JAKMIP2: variants seen among roughly 807,000 people sequenced by gnomAD.
The protein encoded by JAKMIP2 is janus kinase and microtubule-interacting protein 2.
Under a neutral mutation model 115.0 loss-of-function variants are expected in JAKMIP2, and 25 were observed. That is an observed-to-expected ratio of 0.22 (90% CI 0.16 to 0.30). The LOEUF (loss-of-function observed/expected upper bound fraction) is 0.30. Ranked by LOEUF, JAKMIP2 falls within the 10% of genes least tolerant of loss-of-function variation. The pLI, the probability that JAKMIP2 is intolerant of heterozygous loss-of-function variation, is 1.00. For missense variants in JAKMIP2, 642 were observed against 957.6 expected (o/e 0.67, Z 4.35); for synonymous variants, 334 against 343.6 (o/e 0.97, Z 0.31).
chr5:147,604,330 G>A (rs1458729635), intron 20 of JAKMIP2, among the ~76,000 whole-genome samples: 1 of 152,148 alleles, frequency 6.6e-6, no homozygotes, highest in Non-Finnish European at 1.5e-5. Context: ...CACATTTTTA[G>A]TGTTTCCTTT....
intron 1 of JAKMIP2, among the ~76,000 whole-genome samples, chr5:147,755,416 C>T (rs1193831339): frequency 6.6e-6 from 1 of 152,180 alleles, no homozygotes; most frequent in Non-Finnish European, 1.5e-5. Flanking sequence ...ATCAGGACCT[C>T]CTGAGGCTGT....
intron 8 of JAKMIP2, 26 bp downstream of exon 8, chr5:147,641,682 G>A (rs763394913): frequency 5.2e-6 from 8 of 1,550,966 alleles, no homozygotes; most frequent in Non-Finnish European, 7.1e-6. Flanking sequence ...TGTGGCAAAT[G>A]CCTGATAACT....
In JAKMIP2 at chr5:147,673,522, G is replaced by C. The variant is rs187952894; in HGVS notation, c.-148-1568C>G. ...CTTTGGAGTGTGTCCCTGGGGGAAGGGGGCAGGGAGAGGTTAGGAGACAGG... is the reference window on the plus strand; with the variant it reads ...CTTTGGAGTGTGTCCCTGGGGGAAGCGGGCAGGGAGAGGTTAGGAGACAGG... On this transcript the variant is annotated intron_variant, in intron 1 of 21. Transcript: ENST00000616793. Among the ~76,000 whole-genome samples the C allele has an allele frequency of 3.3e-5, 5 of 152,262 alleles. No homozygotes were observed. The East Asian group carries it at 7.7e-4, about 24-fold the overall frequency.
At chr5:147,707,527 C>T (rs1280355498) in intron 1 of JAKMIP2, among the ~76,000 whole-genome samples, 2 of 152,030 alleles carry the variant, frequency 1.3e-5, no homozygotes, top group Admixed American at 6.6e-5. Context: ...GACGCAGCCC[C>T]CTCCTAGGCC....
chr5:147,603,348 C>A (rs764025833), intron 20 of JAKMIP2, among the ~76,000 whole-genome samples: 9 of 152,138 alleles, frequency 5.9e-5, no homozygotes, highest in South Asian at 2.1e-4. Context: ...AGTGGAAGTG[C>A]TCTAGATATG....
At chr5:147,608,788 A>G (rs1285758301) in intron 20 of JAKMIP2, among the ~76,000 whole-genome samples, 1 of 152,130 alleles carries the variant, frequency 6.6e-6, no homozygotes, top group Non-Finnish European at 1.5e-5. Flanking sequence ...AAAGTTTCCC[A>G]CTATTAACGT....
chr5:147,632,669 C>T lies in JAKMIP2; in HGVS notation c.1776+11G>A, dbSNP rs764276870. The T allele has an allele frequency of 4.0e-6, 6 of 1,501,896 alleles. No individual in the cohort carries two copies. The highest frequency in any genetic ancestry group is 5.5e-6 in the Non-Finnish European group (6 of 1,081,950). 93.0% of individuals were successfully genotyped at this position (1,501,896 alleles called of 1,614,324 possible). A position where few individuals can be genotyped will look rare whatever the true frequency, so the allele number is the denominator to read the frequency against. ...CGATTATTTTTATTATTATCATCAT[C>T]ATTTCCTTACTTCTAGCTCTAGGTT... is the stretch of plus-strand genomic sequence containing the variant. On this transcript the variant is annotated intron_variant, in intron 13 of 21. Coordinates refer to ENST00000616793, the MANE Select transcript of JAKMIP2 (RefSeq NM_001270941.2).
At chr5:147,642,357 C>T (rs1757920567) in intron 7 of JAKMIP2, among the ~76,000 whole-genome samples, 1 of 152,082 alleles carries the variant, frequency 6.6e-6, no homozygotes, top group African/African-American at 2.4e-5. Context: ...AAATATTGAT[C>T]AATTTCATGA....
At chr5:147,602,499 C>G (rs180850537) in intron 20 of JAKMIP2, among the ~76,000 whole-genome samples, 1 of 152,246 alleles carries the variant, frequency 6.6e-6, no homozygotes, top group Non-Finnish European at 1.5e-5. Context: ...ATAATAAATG[C>G]GTGATGTTGT....
chr5:147,694,953 G>C (rs1752037219), intron 1 of JAKMIP2, among the ~76,000 whole-genome samples: 1 of 152,176 alleles, frequency 6.6e-6, no homozygotes, highest in Non-Finnish European at 1.5e-5. Context: ...CCACACTGGA[G>C]GCTGAGTAAC....
intron 1 of JAKMIP2, among the ~76,000 whole-genome samples, chr5:147,684,746 AT>A (rs1004588381): frequency 4.6e-5 from 7 of 152,142 alleles, no homozygotes; most frequent in East Asian, 3.9e-4. Flanking sequence ...GGCACGCTCT[AT>A]TTTTTTTCTA....
intron 1 of JAKMIP2, among the ~76,000 whole-genome samples, chr5:147,765,116 T>C (rs941159371): frequency 1.3e-5 from 2 of 148,356 alleles, no homozygotes; most frequent in Non-Finnish European, 3.0e-5. Context: ...ATAGATACAT[T>C]AAAAAAAATA....
intron 2 of JAKMIP2, among the ~76,000 whole-genome samples, chr5:147,663,367 G>C (rs893169023): frequency 1.3e-5 from 2 of 152,178 alleles, no homozygotes; most frequent in African/African-American, 4.8e-5. Context: ...AATAAAGGCA[G>C]GGAGAAGAAG....
intron 1 of JAKMIP2, among the ~76,000 whole-genome samples, chr5:147,685,051 A>T (rs1760503701): frequency 6.6e-6 from 1 of 152,220 alleles, no homozygotes; most frequent in Admixed American, 6.6e-5. Context: ...TTAAAACAAG[A>T]TTATGAGATA....
chr5:147,616,842 GC>G (rs1015375857), intron 19 of JAKMIP2, among the ~76,000 whole-genome samples: 11 of 152,122 alleles, frequency 7.2e-5, no homozygotes, highest in African/African-American at 2.7e-4. Flanking sequence ...AATCCACAAA[GC>G]TCCTGCCTGC....
intron 1 of JAKMIP2, among the ~76,000 whole-genome samples, chr5:147,676,225 G>A (rs1759951145): frequency 1.3e-5 from 2 of 152,164 alleles, no homozygotes; most frequent in Non-Finnish European, 2.9e-5. Flanking sequence ...AGTCCCAGCT[G>A]CTGGGGAGGC....
At chr5:147,598,464 T>TATC (rs1755521912) in intron 21 of JAKMIP2, among the ~76,000 whole-genome samples, 1 of 118,110 alleles carries the variant, frequency 8.5e-6, no homozygotes, top group Non-Finnish European at 1.9e-5. Context: ...ATCTATCATC[T>TATC]ATCTATGTAT....
At chr5:147,723,016 T>C (rs112591513) in intron 1 of JAKMIP2, among the ~76,000 whole-genome samples, 2 of 151,154 alleles carry the variant, frequency 1.3e-5, no homozygotes, top group African/African-American at 4.8e-5. Context: ...ACATTTTGAA[T>C]TTCAAAAAAT....
chr5:147,714,222 G>A (rs1243855552), intron 1 of JAKMIP2, among the ~76,000 whole-genome samples: 1 of 151,860 alleles, frequency 6.6e-6, no homozygotes, highest in African/African-American at 2.4e-5. Flanking sequence ...CCTACTTCAG[G>A]GGATAAAAGT....
Sources: allele counts gnomAD v4.1 joint callset (sites outside exome capture counted in the v4.1 genomes callset), GRCh38; gene constraint gnomAD v4.1.1; transcripts MANE v1.5; gene names NCBI Gene and HGNC (gene_info 2026-07-23, HGNC 2026-07-21).